Variants in TEX11 observed in about 807,000 individuals in gnomAD.
The protein encoded by TEX11 is testis-expressed protein 11.
Under a neutral mutation model 84.4 loss-of-function variants are expected in TEX11, and 7 were observed. That is an observed-to-expected ratio of 0.08 (90% CI 0.05 to 0.16). The LOEUF (loss-of-function observed/expected upper bound fraction) is 0.16, where lower values mean the gene tolerates loss of function less well. TEX11 is among the 10% of genes least tolerant of loss of function. The probability of loss-of-function intolerance (pLI) is 1.00; values close to 1 mark genes in which losing one functional copy is unlikely to be tolerated. For missense variants in TEX11, 551 were observed against 660.5 expected (o/e 0.83, Z 1.82); for synonymous variants, 264 against 222.8 (o/e 1.18, Z -1.64).
At chrX:70,816,339 A>T (rs1037245257) in intron 8 of TEX11, among the ~76,000 whole-genome samples, 2 of 112,029 alleles carry the variant, frequency 1.8e-5, no homozygotes, top group East Asian at 2.8e-4. Flanking sequence ...TATTTTTAAA[A>T]TTTATTTTTA....
At chrX:70,771,543 A>G (rs1007755802) in intron 9 of TEX11, among the ~76,000 whole-genome samples, 6 of 111,633 alleles carry the variant, frequency 5.4e-5, no homozygotes, top group South Asian at 7.5e-4. Flanking sequence ...TTTGAAAAAA[A>G]CTTAAAAAAA....
At chrX:70,679,722 G>A (rs1304245865) in intron 14 of TEX11, among the ~76,000 whole-genome samples, 3 of 108,718 alleles carry the variant, frequency 2.8e-5, no homozygotes, top group Admixed American at 9.5e-5. Context: ...ACCTCGTCAG[G>A]CAGGGAGGTG....
intron 20 of TEX11, among the ~76,000 whole-genome samples, chrX:70,622,135 G>T (rs2089402520): frequency 8.9e-6 from 1 of 111,897 alleles, no homozygotes; most frequent in African/African-American, 3.2e-5. Context: ...AAAGCTTAGA[G>T]AAGTTAAAGA....
intron 12 of TEX11, 28 bp downstream of exon 12, chrX:70,725,234 G>A (rs1180026616): frequency 9.8e-7 from 1 of 1,023,495 alleles, no homozygotes; most frequent in Admixed American, 2.4e-5. Context: ...TTTCAAAATG[G>A]TGTGCTCTTC....
Position 70,553,402 on chromosome X carries a change from T to A in TEX11, c.2303A>T (p.Glu768Val). 1 of 1,190,708 alleles carries A rather than the reference T, an allele frequency of 8.4e-7. No homozygotes were observed. Among genetic ancestry groups the A allele is most frequent in the Non-Finnish European group, 1.1e-6 (1 of 881,296 alleles). Residue 768 changes from glutamate to valine, a missense_variant, in exon 27 of 30, where the codon GAA becomes GTA. By Grantham distance (121) the Glu-to-Val change is moderately radical. Transcript: ENST00000374333. ...AATCAAAGGATAGTGTGCAGGCTTT[T>A]CCATTGCTATTACTAGAGTAAGAAA... ...TFETIAIIAM[E>V]KPAHYPLIAL...
At chrX:70,661,925 G>C (rs771265062) in intron 16 of TEX11, among the ~76,000 whole-genome samples, 55 of 111,818 alleles carry the variant, frequency 4.9e-4, no homozygotes, top group Non-Finnish European at 8.5e-4. Context: ...GGAAAAAACA[G>C]AGCAGAAAAA....
chrX:70,730,646 C>A (rs1247445287), intron 11 of TEX11, among the ~76,000 whole-genome samples: 1 of 111,864 alleles, frequency 8.9e-6, no homozygotes, highest in Admixed American at 9.5e-5. Context: ...CACCCAGATT[C>A]ATAAAGCAAG....
At chrX:70,710,977 C>T (rs1453468020) in intron 13 of TEX11, among the ~76,000 whole-genome samples, 3 of 108,219 alleles carry the variant, frequency 2.8e-5, no homozygotes, top group African/African-American at 1.0e-4. Flanking sequence ...TGTGATGTTC[C>T]TCTTCCTGTG....
At chrX:70,585,934 C>T in intron 25 of TEX11, among the ~76,000 whole-genome samples, 1 of 112,438 alleles carries the variant, frequency 8.9e-6, no homozygotes, top group Non-Finnish European at 1.9e-5. Flanking sequence ...TGCCTGTAAT[C>T]CCAGCTACTT....
At chrX:70,527,664 T>C (rs1366723863), downstream of TEX11, among the ~76,000 whole-genome samples, 2 of 111,994 alleles carry the variant, frequency 1.8e-5, no homozygotes, top group East Asian at 5.5e-4. Flanking sequence ...GATGGTAGAA[T>C]TGAATCATTG....
chrX:70,787,791 A>C (rs746565408), intron 9 of TEX11, among the ~76,000 whole-genome samples: 1 of 111,928 alleles, frequency 8.9e-6, no homozygotes, highest in Non-Finnish European at 1.9e-5. Flanking sequence ...ACTCCACCAA[A>C]AAACTGTTAA....
chrX:70,522,227 C>G, the TEX11 span, among the ~76,000 whole-genome samples: 1 of 111,830 alleles, frequency 8.9e-6, no homozygotes, highest in Non-Finnish European at 1.9e-5. Flanking sequence ...TACTTAAACT[C>G]TCTGAGCTTC....
downstream of TEX11, among the ~76,000 whole-genome samples, chrX:70,524,421 T>C (rs759008741): frequency 8.0e-5 from 9 of 112,768 alleles, no homozygotes; most frequent in South Asian, 1.8e-3. Flanking sequence ...TTAAAGCCAC[T>C]AGCTGGCATG....
intron 13 of TEX11, among the ~76,000 whole-genome samples, chrX:70,699,810 C>T (rs2090311363): frequency 9.0e-6 from 1 of 110,557 alleles, no homozygotes; most frequent in Non-Finnish European, 1.9e-5. Context: ...TCTTGGTTTA[C>T]AAAAGGCCTT....
chrX:70,808,801 GAT>G (rs1422489748), intron 8 of TEX11, among the ~76,000 whole-genome samples: 3 of 111,278 alleles, frequency 2.7e-5, no homozygotes, highest in African/African-American at 9.8e-5. Flanking sequence ...GAATCTAACT[GAT>G]GTTTTCAAAA....
chrX:70,774,273 TAAA>T (rs1309488102), intron 9 of TEX11, among the ~76,000 whole-genome samples: 1 of 58,240 alleles, frequency 1.7e-5, no homozygotes. Flanking sequence ...GCTAACATCA[TAAA>T]AAAAAAAAAA....
chrX:70,842,287 T>C (rs2091450730), intron 7 of TEX11, among the ~76,000 whole-genome samples: 1 of 110,982 alleles, frequency 9.0e-6, no homozygotes. Context: ...TCCACCATGA[T>C]TAAGTGGGCT....
the TEX11 span, among the ~76,000 whole-genome samples, chrX:70,523,425 T>G: frequency 1.1e-4 from 12 of 111,606 alleles, no homozygotes; most frequent in African/African-American, 3.6e-4. Flanking sequence ...CTTTGGGGAA[T>G]CATGGGGAAT....
At chrX:70,710,788 CA>C (rs995120847) in intron 13 of TEX11, among the ~76,000 whole-genome samples, 5 of 110,064 alleles carry the variant, frequency 4.5e-5, no homozygotes, top group African/African-American at 9.8e-5. Flanking sequence ...AAAGATATAG[CA>C]AATTAATTTT....
Sources: gnomAD v4.1 joint callset for allele counts (sites outside exome capture counted in the v4.1 genomes callset) on GRCh38, gnomAD v4.1.1 for gene constraint, MANE v1.5 for transcripts, NCBI Gene and HGNC (gene_info 2026-07-23, HGNC 2026-07-21) for gene names.